The following FXR2 variants were observed in gnomAD, a reference collection of about 807,000 sequenced individuals.
The protein encoded by FXR2 is FMR1 autosomal homolog 2.
FXR2 carries 9 observed loss-of-function variants against 87.3 expected under a neutral mutation model. That is an observed-to-expected ratio of 0.10 (90% CI 0.06 to 0.18). The LOEUF is 0.18. FXR2 is among the 10% of genes least tolerant of loss of function. The pLI is 1.00. For missense variants in FXR2, 661 were observed against 893.6 expected (o/e 0.74, Z 3.32); for synonymous variants, 331 against 328.3 (o/e 1.01, Z -0.09).
At chr17:7,610,579 A>C (rs1239782084) in intron 1 of FXR2, among the ~76,000 whole-genome samples, 1 of 152,110 alleles carries the variant, frequency 6.6e-6, no homozygotes, top group Non-Finnish European at 1.5e-5. Context: ...TTTTTCCTTC[A>C]ATTAGTCTCC....
In FXR2 at chr17:7,594,035, A is replaced by G. The variant is rs1447453605; in HGVS notation, c.1021-31T>C. The G allele has an allele frequency of 2.1e-6, 3 of 1,403,078 alleles. No homozygotes were observed. The East Asian group carries it at 6.8e-5, about 32-fold the overall frequency. 86.9% of individuals were successfully genotyped at this position (1,403,078 alleles called of 1,614,324 possible). On this transcript the variant is annotated intron_variant, in intron 10 of 16. Transcript: ENST00000250113. The surrounding 1 kb of genome is among the most constrained non-coding windows in gnomAD (Gnocchi z 5.1). ...GAACAGAGAGCAGAAACGATGGATC[A>G]GAAAGGAAAATGAAATGGAAGGATT...
intron 7 of FXR2, 25 bp from the exon 8 acceptor site, chr17:7,596,019 A>G: frequency 6.3e-7 from 1 of 1,593,224 alleles, no homozygotes; most frequent in Admixed American, 1.7e-5. Flanking sequence ...CACTGTAGGA[A>G]TCATGGTGGT....
At chr17:7,606,000 C>A in intron 2 of FXR2, 97 bp downstream of exon 2, 1 of 829,372 alleles carries the variant, frequency 1.2e-6, no homozygotes, top group South Asian at 1.5e-5. Flanking sequence ...CTCAGCTCTC[C>A]CAACCTATTA....
At chr17:7,601,865 T>C (rs1015593381) in intron 6 of FXR2, among the ~76,000 whole-genome samples, 1 of 151,718 alleles carries the variant, frequency 6.6e-6, no homozygotes, top group Admixed American at 6.6e-5. Context: ...AGTCGGAGGT[T>C]GCAGTGAGCC....
chr17:7,614,680 G>A lies in FXR2; in HGVS notation c.-148C>T. 2.8e-6 allele frequency: 1 copy of A among 359,220 alleles called. No homozygotes were observed. The highest frequency in any genetic ancestry group is 4.8e-6 in the Non-Finnish European group (1 of 207,386). 22.3% of individuals were successfully genotyped at this position (359,220 alleles called of 1,614,324 possible). A position where few individuals can be genotyped will look rare whatever the true frequency, so the allele number is the denominator to read the frequency against. On this transcript the variant is annotated 5_prime_UTR_variant, in exon 1 of 17. Transcript: ENST00000250113. The stretch of plus-strand genomic sequence containing the variant: ...GCCGGGCCGGCCCCACGGCGGCCCT[G>A]CCACAGCCAACGAGCAGGGGGCCGG...
At chr17:7,606,485 C>T (rs1216030435) in intron 1 of FXR2, among the ~76,000 whole-genome samples, 4 of 152,194 alleles carry the variant, frequency 2.6e-5, no homozygotes, top group African/African-American at 9.7e-5. Flanking sequence ...ATACCAACAA[C>T]ATTCAGCAAG....
In FXR2 at chr17:7,614,511, C is replaced by G; in HGVS notation, c.22G>C (p.Gly8Arg). ...ACGGGCAGTCCCGGCTCCACATCCC[C>G]CCCAGAGGCCAGGCCGCCCATGGCG... is the stretch of plus-strand genomic sequence containing the variant. MGGLASGGDVEPGLPVEV... is the reference protein window; with the variant it reads MGGLASGRDVEPGLPVEV... The change falls in exon 1 of 17, where the codon GGG becomes CGG. Residue 8 changes from glycine (G) to arginine (R), a missense_variant. By Grantham distance (125) the Gly-to-Arg change is moderately radical. Transcript: ENST00000250113. 4.6e-6 allele frequency: 7 copies of G among 1,515,328 alleles called. No homozygotes were observed. The highest frequency in any genetic ancestry group is 6.2e-6 in the Non-Finnish European group (7 of 1,135,162). The allele number at this position is 1,515,328 out of a possible 1,614,324, so 93.9% of individuals were successfully genotyped here.
Position 7,605,940 on chromosome 17 carries a change from A to G in FXR2, c.134+157T>C, listed in dbSNP as rs2071799799. 3 of 652,700 alleles carry G rather than the reference A, an allele frequency of 4.6e-6. No individual in the cohort carries two copies. The African/African-American group carries it at 5.5e-5, about 12-fold the overall frequency. 40.4% of individuals were successfully genotyped at this position (652,700 alleles called of 1,614,324 possible). A position where few individuals can be genotyped will look rare whatever the true frequency, so the allele number is the denominator to read the frequency against. ...GGTCAAATGCCCCCACCCTCACCAA[A>G]TTCTCAGCCCTTTCCTCTCCTGGGA... On this transcript the variant is annotated intron_variant, in intron 2 of 16. Transcript: ENST00000250113.
intron 1 of FXR2, among the ~76,000 whole-genome samples, chr17:7,612,155 A>T (rs1409714110): frequency 6.6e-6 from 1 of 152,176 alleles, no homozygotes; most frequent in Non-Finnish European, 1.5e-5. Context: ...CTGGATACCA[A>T]TCTTTCTCAG....
intron 1 of FXR2, among the ~76,000 whole-genome samples, chr17:7,607,735 A>G (rs1415102377): frequency 2.0e-5 from 3 of 151,500 alleles, no homozygotes; most frequent in African/African-American, 2.4e-5. Flanking sequence ...CCTATGATCC[A>G]TTTTGAATTA....
intron 7 of FXR2, among the ~76,000 whole-genome samples, chr17:7,599,264 A>G (rs2071733694): frequency 6.6e-6 from 1 of 151,806 alleles, no homozygotes; most frequent in African/African-American, 2.4e-5. Context: ...GCACCACTAC[A>G]TACACTCCAG....
rs2071685084 is a variant in FXR2, at chr17:7,593,568, C to T, written c.1165G>A (p.Gly389Arg). 1.4e-5 allele frequency: 22 copies of T among 1,597,938 alleles called. No homozygotes were observed. The highest frequency in any genetic ancestry group is 1.9e-5 in the Non-Finnish European group (22 of 1,173,622). ...CTCCCAGGAGGGCGAAAGCCCAGCC[C>T]AATCTGCCGAAGCTGCTCATCAATT... Reference protein sequence around the residue: ...LQIDEQLRQIGLGFRPPGSGR... With the variant: ...LQIDEQLRQIRLGFRPPGSGR... The change falls in exon 12 of 17, where the codon GGG becomes AGG. Residue 389 changes from glycine to arginine, a missense_variant. Coordinates refer to ENST00000250113, the MANE Select transcript of FXR2 (RefSeq NM_004860.4). This position sits in a 1 kb window ranked among gnomAD's most constrained non-coding sequence, Gnocchi z 6.1.
chr17:7,608,445 T>A (rs12103909), intron 1 of FXR2, among the ~76,000 whole-genome samples: 4,284 of 145,408 alleles, frequency 0.029, 86 homozygotes, highest in South Asian at 0.082. Flanking sequence ...AAAAAAAAAA[T>A]AATAATAATA....
At position 7,594,017 on chromosome 17, in the gene FXR2, G is replaced by C. The variant is rs368075738; in HGVS notation, c.1021-13C>G. On this transcript the variant is annotated splice_polypyrimidine_tract_variant and intron_variant, in intron 10 of 16. Transcript: ENST00000250113. This position sits in a 1 kb window ranked among gnomAD's most constrained non-coding sequence, Gnocchi z 5.1. ...AGGGAACCATTCCCTAGAGAACAGA[G>C]AGCAGAAACGATGGATCAGAAAGGA... 1 of 1,512,500 alleles carries C rather than the reference G, an allele frequency of 6.6e-7. No individual in the cohort carries two copies. The highest frequency in any genetic ancestry group is 1.4e-5 in the African/African-American group (1 of 72,950). 93.7% of individuals were successfully genotyped at this position (1,512,500 alleles called of 1,614,324 possible).
rs1008327228 is a variant in FXR2, at chr17:7,595,330, G to C, written c.831+494C>G. On this transcript the variant is annotated intron_variant, in intron 8 of 16. Transcript: ENST00000250113. The surrounding 1 kb of genome is among the most constrained non-coding windows in gnomAD (Gnocchi z 4.7). ...TCTATTGACTATGTTGCCCAGGTTG[G>C]TTCAGTGGCACCATCATGGTGTACT... is the stretch of plus-strand genomic sequence containing the variant. Among the ~76,000 whole-genome samples the C allele has an allele frequency of 1.3e-5, 2 of 152,046 alleles. No individual in the cohort carries two copies. The highest frequency in any genetic ancestry group is 1.5e-5 in the Non-Finnish European group (1 of 68,014).
intron 7 of FXR2, among the ~76,000 whole-genome samples, chr17:7,599,597 C>A (rs1256801018): frequency 6.6e-6 from 1 of 152,116 alleles, no homozygotes; most frequent in Admixed American, 6.5e-5. Flanking sequence ...TCTAGTCAGG[C>A]CAGGCGTGGT....
At chr17:7,608,138 T>G (rs972405486) in intron 1 of FXR2, among the ~76,000 whole-genome samples, 2 of 151,866 alleles carry the variant, frequency 1.3e-5, no homozygotes, top group Non-Finnish European at 1.5e-5. Context: ...TTTTTTTTAA[T>G]AGAGACAGGG....
At position 7,591,638 on chromosome 17, in the gene FXR2, C is replaced by T. The variant is rs539846771; in HGVS notation, c.*192G>A. On this transcript the variant is annotated 3_prime_UTR_variant, in exon 17 of 17. Transcript: ENST00000250113. The surrounding 1 kb of genome is among the most constrained non-coding windows in gnomAD (Gnocchi z 4.0). The stretch of plus-strand genomic sequence containing the variant: ...CCCCTTACCCTGGGGGTAGGGTGGA[C>T]AAGAGGGAGGGGGTATGACCCTGTT... 67 of 603,244 alleles carry T rather than the reference C, an allele frequency of 1.1e-4. No individual in the cohort carries two copies. In the South Asian group the frequency reaches 1.2e-3, roughly 11 times the overall value. 37.4% of individuals were successfully genotyped at this position (603,244 alleles called of 1,614,324 possible).
intron 2 of FXR2, 153 bp downstream of exon 2, chr17:7,605,944 T>C: frequency 1.5e-6 from 1 of 656,340 alleles, no homozygotes; most frequent in Non-Finnish European, 2.7e-6. Context: ...CACCAAATTC[T>C]CAGCCCTTTC....
Sources: allele counts gnomAD v4.1 joint callset (sites outside exome capture counted in the v4.1 genomes callset), GRCh38; gene constraint gnomAD v4.1.1; non-coding constraint Gnocchi (gnomAD v3.1); transcripts MANE v1.5; gene names NCBI Gene and HGNC (gene_info 2026-07-23, HGNC 2026-07-21).